ZNF273: variants seen among roughly 807,000 people sequenced by gnomAD.
ZNF273 encodes the protein zinc finger protein 273, also known as zinc finger protein 9.
Under a neutral mutation model 14.9 loss-of-function variants are expected in ZNF273, and 11 were observed. The ratio of observed to expected loss-of-function variants is 0.74; its 90% CI spans 0.46 to 1.22. The LOEUF (loss-of-function observed/expected upper bound fraction) is 1.22, where lower values mean the gene tolerates loss of function less well. ZNF273 is among the 50% of genes most tolerant of loss of function. ZNF273 has a pLI of 0.00. For missense variants in ZNF273, 577 were observed against 660.6 expected, an observed-to-expected ratio of 0.87 and a Z score of 1.39; for synonymous variants, 199 against 223.9, an observed-to-expected ratio of 0.89 and a Z score of 0.99.
At chr7:64,916,675 A>G (rs1427623849) in intron 1 of ZNF273, among the ~76,000 whole-genome samples, 1 of 152,046 alleles carries the variant, frequency 6.6e-6, no homozygotes, top group Non-Finnish European at 1.5e-5. Flanking sequence ...GCGAGGGGCA[A>G]TATTGAAGCA....
At chr7:64,936,029 G>A in the ZNF273 span, among the ~76,000 whole-genome samples, 1 of 152,108 alleles carries the variant, frequency 6.6e-6, no homozygotes. Flanking sequence ...CTAAAATCCT[G>A]GCTAAACAAC....
chr7:64,892,217 C>T (rs1792077577), downstream of ZNF273, among the ~76,000 whole-genome samples: 1 of 152,088 alleles, frequency 6.6e-6, no homozygotes, highest in African/African-American at 2.4e-5. Context: ...AGTATTCAAC[C>T]CTAAAAGGAA....
upstream of ZNF273, among the ~76,000 whole-genome samples, chr7:64,901,301 C>G (rs556278454): frequency 1.3e-5 from 2 of 152,160 alleles, no homozygotes; most frequent in African/African-American, 4.8e-5. Flanking sequence ...CCGTGCCCGG[C>G]GCTGGTATGC....
At chr7:64,914,502 G>A (rs144380712) in intron 1 of ZNF273, among the ~76,000 whole-genome samples, 218 of 152,202 alleles carry the variant, frequency 1.4e-3, no homozygotes, top group African/African-American at 5.1e-3. Flanking sequence ...GCTATGAGGG[G>A]TTCAAAATAC....
chr7:64,886,086 A>G (rs1422620182), intron 1 of ZNF273, among the ~76,000 whole-genome samples: 1 of 152,126 alleles, frequency 6.6e-6, no homozygotes, highest in African/African-American at 2.4e-5. Context: ...CTGACTAGGT[A>G]CTCTGGATTT....
At chr7:64,921,508 C>T (rs979441298) in intron 3 of ZNF273, among the ~76,000 whole-genome samples, 14 of 146,750 alleles carry the variant, frequency 9.5e-5, no homozygotes, top group Admixed American at 3.4e-4. Context: ...TGATGTTATA[C>T]ATACATACAC....
At chr7:64,914,642 G>A (rs1463838400) in intron 1 of ZNF273, among the ~76,000 whole-genome samples, 1 of 152,144 alleles carries the variant, frequency 6.6e-6, no homozygotes, top group Non-Finnish European at 1.5e-5. Context: ...GGTGTCTGTG[G>A]CAAGGGAGGG....
chr7:64,899,853 C>T (rs1414680091), upstream of ZNF273, among the ~76,000 whole-genome samples: 6 of 151,258 alleles, frequency 4.0e-5, no homozygotes, highest in East Asian at 4.0e-4. Context: ...CTCTGCCTCC[C>T]GGTTTCAAGT....
intron 1 of ZNF273, among the ~76,000 whole-genome samples, chr7:64,910,762 A>AT (rs34345525): frequency 0.053 from 5,313 of 100,492 alleles, 248 homozygotes; most frequent in Middle Eastern, 0.11. Flanking sequence ...TAAATCTGTA[A>AT]TTTATTTTTT....
At chr7:64,909,754 G>A (rs1038913920) in intron 1 of ZNF273, among the ~76,000 whole-genome samples, 5 of 151,986 alleles carry the variant, frequency 3.3e-5, no homozygotes, top group African/African-American at 1.2e-4. Flanking sequence ...TCATCACACT[G>A]CTTTCACAGT....
At chr7:64,883,682 A>G (rs1164695691), downstream of ZNF273, among the ~76,000 whole-genome samples, 3 of 152,192 alleles carry the variant, frequency 2.0e-5, no homozygotes, top group Non-Finnish European at 2.9e-5. Flanking sequence ...CATTCTGGCC[A>G]TCTCCCAATT....
At chr7:64,883,404 C>T (rs1406821046), downstream of ZNF273, among the ~76,000 whole-genome samples, 5 of 152,118 alleles carry the variant, frequency 3.3e-5, no homozygotes, top group Non-Finnish European at 7.4e-5. Flanking sequence ...CGTCGTGAGG[C>T]GGGCACTCCT....
In ZNF273 at chr7:64,927,101, C is replaced by T. The variant is rs75582143; in HGVS notation, c.326-553C>T. Among the ~76,000 whole-genome samples the T allele has an allele frequency of 9.2e-3, 1,399 of 151,964 alleles. 16 individuals are homozygous for T. The highest frequency in any genetic ancestry group is 0.032 in the African/African-American group (1,329 of 41,454). On this transcript the variant is annotated intron_variant, in intron 3 of 3. Coordinates refer to ENST00000476120, the MANE Select transcript of ZNF273 (RefSeq NM_021148.3). ...GAAACCAAGAGTTGGCAATTTACTC[C>T]TTTTTTTTGAGACAGAGTCTCACTC...
intron 1 of ZNF273, among the ~76,000 whole-genome samples, chr7:64,878,140 C>A (rs1402566356): frequency 1.3e-5 from 2 of 152,048 alleles, no homozygotes; most frequent in South Asian, 2.1e-4. Context: ...ACCTTTGGTG[C>A]GCCTCTCTGT....
At chr7:64,881,551 GTGTC>G (rs1791255266), downstream of ZNF273, among the ~76,000 whole-genome samples, 1 of 152,238 alleles carries the variant, frequency 6.6e-6, no homozygotes, top group Admixed American at 6.5e-5. Context: ...GCAGGCAACA[GTGTC>G]TGGCTTTTGC....
At chr7:64,888,529 C>A (rs1405648715) in intron 1 of ZNF273, 1 of 985,674 alleles carries the variant, frequency 1.0e-6, no homozygotes, top group African/African-American at 1.7e-5. Context: ...TTAAGAGATA[C>A]GAAACCCATT....
At chr7:64,936,668 CTTGAATGAGATAAAA>C in the ZNF273 span, among the ~76,000 whole-genome samples, 1 of 152,148 alleles carries the variant, frequency 6.6e-6, no homozygotes, top group Non-Finnish European at 1.5e-5. Context: ...ATAAAACACA[CTTGAATGAGATAAAA>C]GTCTTCTTAG....
At chr7:64,886,150 T>A (rs1791564679) in intron 1 of ZNF273, among the ~76,000 whole-genome samples, 1 of 152,224 alleles carries the variant, frequency 6.6e-6, no homozygotes, top group Non-Finnish European at 1.5e-5. Context: ...AGCCACCTGT[T>A]GCAGAGCAGT....
intron 1 of ZNF273, among the ~76,000 whole-genome samples, chr7:64,912,826 G>GTTTTTTTTTTGTT (rs1793639617): frequency 2.7e-5 from 1 of 36,568 alleles, no homozygotes; most frequent in Non-Finnish European, 5.7e-5. Context: ...ATTCATTTTA[G>GTTTTTTTTTTGTT]TTTTTTTTTT....
Sources: gnomAD v4.1 joint callset for allele counts (sites outside exome capture counted in the v4.1 genomes callset) on GRCh38, gnomAD v4.1.1 for gene constraint, MANE v1.5 for transcripts, NCBI Gene and HGNC (gene_info 2026-07-23, HGNC 2026-07-21) for gene names.